Variants in FAXDC2 observed in about 807,000 individuals in gnomAD.
FAXDC2 encodes fatty acid hydroxylase domain-containing protein 2.
A neutral mutation model predicts 40.9 loss-of-function variants in FAXDC2; 41 were observed. The ratio of observed to expected loss-of-function variants is 1.00; its 90% CI spans 0.78 to 1.30. FAXDC2 has a LOEUF of 1.30. Among genes scored for constraint, FAXDC2 ranks in the 50% most tolerant of loss-of-function variants. FAXDC2 has a pLI of 0.00. For missense variants in FAXDC2, 390 were observed against 408.8 expected, an observed-to-expected ratio of 0.95 and a Z score of 0.40; for synonymous variants, 157 against 149.3, an observed-to-expected ratio of 1.05 and a Z score of -0.38.
At chr5:154,824,403 A>C (rs918087882) in intron 5 of FAXDC2, 25 of 685,084 alleles carry the variant, frequency 3.6e-5, no homozygotes, top group East Asian at 2.7e-4. Flanking sequence ...TGTGAGCTGG[A>C]GGGATTTCTG....
chr5:154,829,873 A>T (rs1299606622), intron 5 of FAXDC2, among the ~76,000 whole-genome samples: 5 of 152,198 alleles, frequency 3.3e-5, no homozygotes, highest in Admixed American at 2.6e-4. Context: ...ATGTCCTGCC[A>T]AGCTGGGCCT....
chr5:154,832,777 GT>G (rs910468788), intron 4 of FAXDC2, among the ~76,000 whole-genome samples: 2 of 152,036 alleles, frequency 1.3e-5, no homozygotes, highest in African/African-American at 4.8e-5. Flanking sequence ...AATATTTGAG[GT>G]TTTTTTAGAT....
rs570935542 is a variant in FAXDC2, at chr5:154,826,479, A to AGAT, written c.367-2890_367-2888dup. 3.2e-4 allele frequency among the ~76,000 whole-genome samples: 49 copies of AGAT among 151,648 alleles called. No individual in the cohort carries two copies. The East Asian group carries it at 9.5e-3, about 29-fold the overall frequency. ...GGGAGACAGAGGTTGCAGTGAGCCA[A>AGAT]GATTGCGCCATTGTACTCCAGCCTG... is the stretch of plus-strand genomic sequence containing the variant. On this transcript the variant is annotated intron_variant, in intron 5 of 8. Coordinates refer to ENST00000326080, the MANE Select transcript of FAXDC2 (RefSeq NM_032385.5).
intron 2 of FAXDC2, among the ~76,000 whole-genome samples, chr5:154,835,747 A>AT (rs1561657796): frequency 2.0e-5 from 3 of 150,896 alleles, no homozygotes; most frequent in Admixed American, 2.0e-4. Context: ...CACCCGGCTA[A>AT]TTTTTTTGTA....
Position 154,834,842 on chromosome 5 carries a change from C to A in FAXDC2, c.140+1G>T, listed in dbSNP as rs201799523. 1.2e-6 allele frequency: 2 copies of A among 1,610,708 alleles called. No homozygotes were observed. The highest frequency in any genetic ancestry group is 1.1e-5 in the South Asian group (1 of 90,602). On this transcript the variant is annotated splice_donor_variant, in intron 3 of 8. Transcript: ENST00000326080. LOFTEE classifies it high-confidence loss of function. Reference sequence around the variant, plus strand: ...ACCCTAGCTGGGTGGAGCCGACTTACCATGTCACTGAGTTCCAGAAGGCCA... The same window carrying A: ...ACCCTAGCTGGGTGGAGCCGACTTAACATGTCACTGAGTTCCAGAAGGCCA...
At chr5:154,848,997 C>T (rs1212773734) in intron 1 of FAXDC2, among the ~76,000 whole-genome samples, 1 of 145,380 alleles carries the variant, frequency 6.9e-6, no homozygotes, top group African/African-American at 2.5e-5. Flanking sequence ...AGATGAAATG[C>T]GGCTGGGCAC....
chr5:154,821,345 C>A lies in FAXDC2; in HGVS notation c.760G>T (p.Ala254Ser), dbSNP rs770735326. ...LSSITMWFSL[A>S]LIITTISHCG... Reference sequence around the variant, plus strand: ...TGGGAGATGGTGGTGATGATGAGGGCCAAGGAAAACCACATGGTGATGGAG... The same window carrying A: ...TGGGAGATGGTGGTGATGATGAGGGACAAGGAAAACCACATGGTGATGGAG... Residue 254 changes from alanine (A) to serine (S), a missense_variant, in exon 8 of 9, where the codon GCC becomes TCC. Physicochemically the swap from Ala to Ser is moderately conservative, Grantham distance 99 (BLOSUM62 1). Transcript: ENST00000326080. 6.2e-7 allele frequency: 1 copy of A among 1,610,196 alleles called. No homozygotes were observed. Among genetic ancestry groups the A allele is most frequent in the South Asian group, 1.1e-5 (1 of 90,694 alleles).
At chr5:154,846,599 G>A (rs1760604805) in intron 1 of FAXDC2, among the ~76,000 whole-genome samples, 1 of 151,878 alleles carries the variant, frequency 6.6e-6, no homozygotes, top group Admixed American at 6.6e-5. Flanking sequence ...TGCCCAGGCT[G>A]GTCTCAAACT....
intron 2 of FAXDC2, 24 bp downstream of exon 2, chr5:154,838,107 T>C: frequency 1.3e-6 from 2 of 1,519,486 alleles, no homozygotes; most frequent in Admixed American, 1.7e-5. Context: ...CTCACCAGTT[T>C]GGGGGCAAGG....
intron 4 of FAXDC2, among the ~76,000 whole-genome samples, chr5:154,832,234 G>C (rs1457445266): frequency 1.4e-5 from 2 of 140,070 alleles, no homozygotes; most frequent in African/African-American, 5.4e-5. Flanking sequence ...TTTTTTTTGA[G>C]ACAGAGTCTT....
At position 154,835,883 on chromosome 5, in the gene FAXDC2, CTTTTTTTTTTTTTTTTTTTT is replaced by C. The variant is rs869068025; in HGVS notation, c.49-969_49-950del. Among the ~76,000 whole-genome samples the C allele has an allele frequency of 7.3e-3, 351 of 47,910 alleles. 7 individuals are homozygous for C. Among genetic ancestry groups the C allele is most frequent in the Middle Eastern group, 0.029 (1 of 34 alleles). 31.4% of individuals were successfully genotyped at this position (47,910 alleles called of 152,430 possible). ...GGAGTGAGCCACCGCGCCCGGCCGACTTTTTTTTTTTTTTTTTTTTTTTTTTTTTTGAGGCAGTGTTGCTC... is the reference window on the plus strand; with the variant it reads ...GGAGTGAGCCACCGCGCCCGGCCGACTTTTTTTTTTGAGGCAGTGTTGCTC... On this transcript the variant is annotated intron_variant, in intron 2 of 8. Coordinates refer to ENST00000326080, the MANE Select transcript of FAXDC2 (RefSeq NM_032385.5).
chr5:154,836,741 T>C (rs255529), intron 2 of FAXDC2, among the ~76,000 whole-genome samples: 98,710 of 151,892 alleles, frequency 0.65, 33,379 homozygotes, highest in African/African-American at 0.77. Flanking sequence ...ATCTCCACCT[T>C]CCAAGTTCAA....
intron 1 of FAXDC2, among the ~76,000 whole-genome samples, chr5:154,842,714 T>C (rs1405114025): frequency 2.0e-5 from 3 of 148,490 alleles, no homozygotes; most frequent in Non-Finnish European, 4.5e-5. Flanking sequence ...TTTTTTTAAG[T>C]AGAGATGGGG....
chr5:154,825,731 G>A (rs1450568477), intron 5 of FAXDC2, among the ~76,000 whole-genome samples: 1 of 150,020 alleles, frequency 6.7e-6, no homozygotes, highest in South Asian at 2.1e-4. Flanking sequence ...GAAGTGGTGA[G>A]AAGTGGTAAG....
intron 1 of FAXDC2, among the ~76,000 whole-genome samples, chr5:154,842,807 G>C (rs921169118): frequency 6.6e-6 from 1 of 151,448 alleles, no homozygotes; most frequent in East Asian, 1.9e-4. Context: ...TGCAATTACA[G>C]GTGTGAGCCA....
intron 1 of FAXDC2, among the ~76,000 whole-genome samples, chr5:154,847,089 G>A (rs1157876400): frequency 1.3e-5 from 2 of 151,972 alleles, no homozygotes; most frequent in Non-Finnish European, 2.9e-5. Flanking sequence ...TCAGTCCCCT[G>A]AGTAACTGGG....
At chr5:154,834,104 TTGAG>T (rs950604945) in intron 4 of FAXDC2, among the ~76,000 whole-genome samples, 35 of 149,862 alleles carry the variant, frequency 2.3e-4, no homozygotes, top group African/African-American at 4.1e-4. Context: ...TAATTATTAT[TTGAG>T]TGAATGTATG....
At chr5:154,825,369 A>T (rs1162435680) in intron 5 of FAXDC2, among the ~76,000 whole-genome samples, 2 of 150,314 alleles carry the variant, frequency 1.3e-5, no homozygotes, top group African/African-American at 2.5e-5. Flanking sequence ...TCCATCAAAA[A>T]AAAAGGCAGG....
chr5:154,819,785 A>T lies in FAXDC2; in HGVS notation c.*531T>A, dbSNP rs991711649. ...GGTGAAGTGGCGACTGGCATCTGGTATGTCATGAATTGAGACCTATAATGA... is the reference window on the plus strand; with the variant it reads ...GGTGAAGTGGCGACTGGCATCTGGTTTGTCATGAATTGAGACCTATAATGA... On this transcript the variant is annotated 3_prime_UTR_variant, in exon 9 of 9. Coordinates refer to ENST00000326080, the MANE Select transcript of FAXDC2 (RefSeq NM_032385.5). 2.0e-5 allele frequency: 3 copies of T among 153,352 alleles called. No individual in the cohort carries two copies. The highest frequency in any genetic ancestry group is 7.2e-5 in the African/African-American group (3 of 41,426). 9.5% of individuals were successfully genotyped at this position (153,352 alleles called of 1,614,324 possible).
Sources: allele counts gnomAD v4.1 joint callset (sites outside exome capture counted in the v4.1 genomes callset), GRCh38; gene constraint gnomAD v4.1.1; transcripts MANE v1.5; gene names NCBI Gene and HGNC (gene_info 2026-07-23, HGNC 2026-07-21).